The following TTN variants were observed in gnomAD, a reference collection of about 807,000 sequenced individuals.
TTN encodes connectin.
In TTN, 1,525 loss-of-function variants were observed where a neutral mutation model predicts 3,223.0. The observed-to-expected ratio is 0.47, with a 90% CI of 0.45 to 0.49. TTN has a LOEUF of 0.49. Ranked by LOEUF, TTN falls within the 20% of genes least tolerant of loss-of-function variation. TTN has a pLI of 0.00. For synonymous variants in TTN, 14,094 were observed against 15,161.0 expected (o/e 0.93, Z 5.17); for missense variants, 40,786 against 43,424.0 (o/e 0.94, Z 5.40).
rs1486424183 is a variant in TTN, at chr2:178,740,033, G to A, written c.13200C>T (p.Cys4400=). 1 of 1,613,854 alleles carries A rather than the reference G, an allele frequency of 6.2e-7. No individual in the cohort carries two copies. The highest frequency in any genetic ancestry group is 1.7e-5 in the Admixed American group (1 of 60,000). The stretch of plus-strand genomic sequence containing the variant: ...TGGCCACGGCTGCTTGCAAAGCCCG[G>A]CAGATTTGAATTTTCAGGTTTAATC... ...EQRLNLKIQI[C]RALQAAVASE... is the part of the protein sequence containing the mutation. Residue 4400 remains cysteine, a synonymous_variant, in exon 48 of 363, where the codon TGC becomes TGT. Coordinates refer to ENST00000589042, the MANE Select transcript of TTN (RefSeq NM_001267550.2).
At chr2:178,799,362 G>T in intron 6 of TTN, 125 bp downstream of exon 6, 1 of 1,451,144 alleles carries the variant, frequency 6.9e-7, no homozygotes, top group Non-Finnish European at 9.5e-7. Flanking sequence ...TTTGAGCAGC[G>T]GGACACTGAA....
intron 52 of TTN, among the ~76,000 whole-genome samples, chr2:178,734,117 C>T (rs987978678): frequency 6.6e-6 from 1 of 151,956 alleles, no homozygotes; most frequent in Admixed American, 6.6e-5. Flanking sequence ...CTTATTATTC[C>T]CTTTTGTTAT....
At position 178,775,971 on chromosome 2, in the gene TTN, C is replaced by T. The variant is rs1482376558; in HGVS notation, c.5893G>A (p.Asp1965Asn). The change falls in exon 28 of 363, where the codon GAT becomes AAT. Residue 1965 changes from aspartate (D) to asparagine (N), a missense_variant. Asp to Asn is a conservative substitution (Grantham distance 23). Coordinates refer to ENST00000589042, the MANE Select transcript of TTN (RefSeq NM_001267550.2). ...GKLQFEVQKVDRPVDTTETKE... is the reference protein window; with the variant it reads ...GKLQFEVQKVNRPVDTTETKE... ...GTTTCAGTGGTGTCAACAGGTCTAT[C>T]CACTTTTTGTACTTCAAACTGAAGC... The T allele has an allele frequency of 6.2e-7, 1 of 1,614,130 alleles. No homozygotes were observed.
At position 178,613,019 on chromosome 2, in the gene TTN, C is replaced by CAAAAAA; in HGVS notation, c.49701_49702insTTTTTT (p.Ser16567_Val16568insPhePhe). 2 of 1,612,816 alleles carry CAAAAAA rather than the reference C, an allele frequency of 1.2e-6. No homozygotes were observed. The highest frequency in any genetic ancestry group is 1.7e-6 in the Non-Finnish European group (2 of 1,179,264). On this transcript the variant is annotated inframe_insertion, in exon 265 of 363. Coordinates refer to ENST00000589042, the MANE Select transcript of TTN (RefSeq NM_001267550.2). ...TCTGGTTTTGTCCAATTCAACCTTA[C>CAAAAAA]TGATGTTTTGCCTACATCTTTTACA...
At chr2:178,649,949 G>T in intron 210 of TTN, 55 bp from the exon 211 acceptor site, 1 of 1,544,030 alleles carries the variant, frequency 6.5e-7, no homozygotes, top group Non-Finnish European at 8.8e-7. Flanking sequence ...AAAATTTAAT[G>T]CTAATGAATG....
In TTN at chr2:178,588,984, T is replaced by G. The variant is rs1456081196; in HGVS notation, c.62741A>C (p.Tyr20914Ser). 1.2e-6 allele frequency: 2 copies of G among 1,612,118 alleles called. No homozygotes were observed. Among genetic ancestry groups the G allele is most frequent in the East Asian group, 2.2e-5 (1 of 44,574 alleles). Residue 20914 changes from tyrosine (Y) to serine (S), a missense_variant, in exon 304 of 363, where the codon TAT (tyrosine) becomes TCT (serine). Physicochemically the swap from Tyr to Ser is moderately radical, Grantham distance 144. Coordinates refer to ENST00000589042, the MANE Select transcript of TTN (RefSeq NM_001267550.2). ...ACCAGGTGTCAAGACAGTAGCAGAATAGGTAGACCAAACCATTCGCTTTGT... is the reference window on the plus strand; with the variant it reads ...ACCAGGTGTCAAGACAGTAGCAGAAGAGGTAGACCAAACCATTCGCTTTGT... ...CETKRMVWST[Y>S]SATVLTPGTT...
chr2:178,538,110 G>A (rs1437403042), intron 354 of TTN, 193 bp from the exon 355 acceptor site: 7 of 597,298 alleles, frequency 1.2e-5, no homozygotes, highest in East Asian at 1.1e-4. Flanking sequence ...TGAGCACATC[G>A]TCACATTTTA....
In TTN at chr2:178,579,696, T is replaced by C; in HGVS notation, c.67501A>G (p.Met22501Val). 1 of 1,613,300 alleles carries C rather than the reference T, an allele frequency of 6.2e-7. No homozygotes were observed. Among genetic ancestry groups the C allele is most frequent in the South Asian group, 1.1e-5 (1 of 91,068 alleles). Residue 22501 changes from methionine (M) to valine (V), a missense_variant, in exon 319 of 363, where the codon ATG (methionine) becomes GTG (valine). Transcript: ENST00000589042. The part of the protein sequence containing the change: ...LTEENKWQRV[M>V]KSLSLQYSAK... Reference sequence around the variant, plus strand: ...GAGTACTGTAGGCTTAAGGATTTCATAACTCGTTGCCACTTATTTTCTTCA... The same window carrying C: ...GAGTACTGTAGGCTTAAGGATTTCACAACTCGTTGCCACTTATTTTCTTCA...
intron 326 of TTN, 197 bp from the exon 327 acceptor site, chr2:178,558,834 C>T: frequency 1.8e-6 from 1 of 556,782 alleles, no homozygotes; most frequent in Non-Finnish European, 3.0e-6. Flanking sequence ...CATGCTATAG[C>T]ATTCAAATCC....
intron 220 of TTN, 90 bp downstream of exon 220, chr2:178,641,151 C>T (rs2061185183): frequency 1.2e-6 from 1 of 867,422 alleles, no homozygotes; most frequent in South Asian, 1.6e-5. Flanking sequence ...ATGTTTACAT[C>T]TAACTTCATT....
At position 178,584,153 on chromosome 2, in the gene TTN, A is replaced by C. The variant is rs1475652792; in HGVS notation, c.65275+123T>G. 6 of 1,161,086 alleles carry C rather than the reference A, an allele frequency of 5.2e-6. No individual in the cohort carries two copies. The African/African-American group carries it at 9.3e-5, about 18-fold the overall frequency. The allele number at this position is 1,161,086 out of a possible 1,614,324, so 71.9% of individuals were successfully genotyped here. On this transcript the variant is annotated intron_variant, in intron 311 of 362. Coordinates refer to ENST00000589042, the MANE Select transcript of TTN (RefSeq NM_001267550.2). Reference sequence around the variant, plus strand: ...GAGATAGAACATATTCTTAAATGGGAGTTGTAATCTTCAGATCTCTACTAC... The same window carrying C: ...GAGATAGAACATATTCTTAAATGGGCGTTGTAATCTTCAGATCTCTACTAC...
intron 13 of TTN, 126 bp downstream of exon 13, chr2:178,789,234 A>T: frequency 1.5e-6 from 2 of 1,295,374 alleles, no homozygotes; most frequent in South Asian, 1.3e-5. Flanking sequence ...AAATTTGGTT[A>T]ATAGTGACTC....
chr2:178,688,047 A>C lies in TTN; in HGVS notation c.32311+64T>G, dbSNP rs1396404122. On this transcript the variant is annotated intron_variant, in intron 127 of 362. Coordinates refer to ENST00000589042, the MANE Select transcript of TTN (RefSeq NM_001267550.2). ...TGTCTCTTTTCATTGGTCTGTAGACAATTTGTGAAAGAAAACACCTCATCA... is the reference window on the plus strand; with the variant it reads ...TGTCTCTTTTCATTGGTCTGTAGACCATTTGTGAAAGAAAACACCTCATCA... 17 of 1,375,192 alleles carry C rather than the reference A, an allele frequency of 1.2e-5. No homozygotes were observed. In the East Asian group the frequency reaches 3.4e-4, roughly 28 times the overall value. 85.2% of individuals were successfully genotyped at this position (1,375,192 alleles called of 1,614,324 possible).
chr2:178,667,117 C>T (rs1256190005), intron 162 of TTN, 119 bp downstream of exon 162: 2 of 1,049,774 alleles, frequency 1.9e-6, no homozygotes, highest in African/African-American at 3.2e-5. Context: ...TATATCAGAT[C>T]CTTTAAACAC....
rs193227690 is a variant in TTN at position 178,648,411 on chromosome 2, T to C, written c.40057+837A>G. On this transcript the variant is annotated intron_variant, in intron 213 of 362. Transcript: ENST00000589042. The stretch of plus-strand genomic sequence containing the variant: ...CATGGGATATCATGTCCTCAATTTC[T>C]TTTTTTTAATTTTTTTGAGACAGAG... Among the ~76,000 whole-genome samples the C allele has an allele frequency of 1.8e-3, 272 of 152,000 alleles. 5 individuals carry two copies. The South Asian group carries it at 0.024, about 13-fold the overall frequency.
At position 178,723,704 on chromosome 2, in the gene TTN, G is replaced by A. The variant is rs761542135; in HGVS notation, c.21404-8C>T. On this transcript the variant is annotated splice_region_variant and splice_polypyrimidine_tract_variant and intron_variant, in intron 73 of 362. Transcript: ENST00000589042. ...TCACAAAAGAGGGTGGTTCTATATA[G>A]ACATGGAGAACAATTAAAAGATCCT... is the stretch of plus-strand genomic sequence containing the variant. 8.4e-6 allele frequency: 13 copies of A among 1,549,800 alleles called. No individual in the cohort carries two copies. The highest frequency in any genetic ancestry group is 1.4e-5 in the African/African-American group (1 of 72,374).
At position 178,576,604 on chromosome 2, in the gene TTN, C is replaced by T. The variant is rs1213856899; in HGVS notation, c.69640G>A (p.Val23214Ile). The T allele has an allele frequency of 6.2e-6, 10 of 1,613,600 alleles. No individual in the cohort carries two copies. Among genetic ancestry groups the T allele is most frequent in the Non-Finnish European group, 8.5e-6 (10 of 1,179,628 alleles). ...ATTCCTGCTCTGTTTTCTGCACTGA[C>T]ACGGAATTCGTAGGTGCTTCCTTCT... ...LQEGSTYEFR[V>I]SAENRAGIGP... The change falls in exon 325 of 363, where the codon GTC (valine) becomes ATC (isoleucine). Residue 23214 changes from valine (V) to isoleucine (I), a missense_variant. Physicochemically the swap from Val to Ile is conservative, Grantham distance 29. Coordinates refer to ENST00000589042, the MANE Select transcript of TTN (RefSeq NM_001267550.2). This position sits in a 1 kb window ranked among gnomAD's most constrained non-coding sequence, Gnocchi z 4.3.
intron 114 of TTN, 123 bp from the exon 115 acceptor site, chr2:178,695,533 G>A (rs904989160): frequency 9.5e-6 from 7 of 734,338 alleles, no homozygotes; most frequent in African/African-American, 5.3e-5. Context: ...ATTTGGGATC[G>A]TTATTACCAA....
chr2:178,724,334 T>A lies in TTN; in HGVS notation c.21041A>T (p.Asp7014Val), dbSNP rs1484212258. ...AACCTGGAAAGTGTATGTGCCTGCATCTTGCCTTTCAACTGAGAGAATCCT... is the reference window on the plus strand; with the variant it reads ...AACCTGGAAAGTGTATGTGCCTGCAACTTGCCTTTCAACTGAGAGAATCCT... ...SLRILSVERQ[D>V]AGTYTFQVQN... The change falls in exon 72 of 363, where the codon GAT becomes GTT. Residue 7014 changes from aspartate to valine, a missense_variant. Asp to Val is a radical substitution (Grantham distance 152, BLOSUM62 -3). Transcript: ENST00000589042. 6.2e-7 allele frequency: 1 copy of A among 1,613,502 alleles called. No individual in the cohort carries two copies. Among genetic ancestry groups the A allele is most frequent in the Non-Finnish European group, 8.5e-7 (1 of 1,179,664 alleles).
Sources: allele counts gnomAD v4.1 joint callset (sites outside exome capture counted in the v4.1 genomes callset), GRCh38; gene constraint gnomAD v4.1.1; non-coding constraint Gnocchi (gnomAD v3.1); transcripts MANE v1.5; gene names NCBI Gene and HGNC (gene_info 2026-07-23, HGNC 2026-07-21).